The following P2RY14 variants were observed in gnomAD, a reference collection of about 807,000 sequenced individuals.
P2RY14 encodes the protein P2Y purinoceptor 14.
In P2RY14, 2 loss-of-function variants were observed where a neutral mutation model predicts 0.9. That is an observed-to-expected ratio of 2.16 (90% CI 0.88 to 6.79). The LOEUF is 6.79. Ranked by LOEUF, P2RY14 falls within the 30% of genes most tolerant of loss-of-function variation. P2RY14 has a pLI of 0.05. For synonymous variants in P2RY14, 158 were observed against 147.2 expected (o/e 1.07, Z -0.53); for missense variants, 378 against 400.1 (o/e 0.94, Z 0.47).
chr3:151,245,233 A>T (rs1219052777), intron 1 of P2RY14, among the ~76,000 whole-genome samples: 2 of 152,230 alleles, frequency 1.3e-5, no homozygotes, highest in Non-Finnish European at 2.9e-5. Flanking sequence ...TACTCCAATC[A>T]ATAGAAAAAG....
chr3:151,261,685 G>GTGTTTTGTTT (rs10627724), intron 1 of P2RY14, among the ~76,000 whole-genome samples: 10,192 of 148,676 alleles, frequency 0.069, 593 homozygotes, highest in African/African-American at 0.15. Flanking sequence ...GTGGTACGTG[G>GTGTTTTGTTT]TGTTTTGTTT....
intron 1 of P2RY14, among the ~76,000 whole-genome samples, chr3:151,241,233 T>C (rs750201420): frequency 3.3e-5 from 5 of 152,230 alleles, no homozygotes; most frequent in Non-Finnish European, 7.3e-5. Flanking sequence ...GATCAAATTG[T>C]TGATATTTTA....
At chr3:151,242,192 G>T (rs1343845092) in intron 1 of P2RY14, among the ~76,000 whole-genome samples, 1 of 152,228 alleles carries the variant, frequency 6.6e-6, no homozygotes, top group Non-Finnish European at 1.5e-5. Flanking sequence ...CAACACGGCT[G>T]GGGGAGGGGC....
chr3:151,232,558 T>C (rs556749721), intron 1 of P2RY14, among the ~76,000 whole-genome samples: 1 of 152,136 alleles, frequency 6.6e-6, no homozygotes, highest in Non-Finnish European at 1.5e-5. Flanking sequence ...CAGTGACAGA[T>C]TGGATAAAGA....
chr3:151,224,321 CT>C (rs1402865136), intron 1 of P2RY14, among the ~76,000 whole-genome samples: 1 of 151,988 alleles, frequency 6.6e-6, no homozygotes, highest in African/African-American at 2.4e-5. Context: ...GAGATAAATA[CT>C]TGTTTTCTAG....
intron 1 of P2RY14, among the ~76,000 whole-genome samples, chr3:151,267,692 A>G (rs1740106924): frequency 6.6e-6 from 1 of 151,998 alleles, no homozygotes; most frequent in South Asian, 2.1e-4. Context: ...TATATATATA[A>G]GTCAGTTTTC....
At chr3:151,247,181 C>T (rs992432062) in intron 1 of P2RY14, among the ~76,000 whole-genome samples, 1 of 151,962 alleles carries the variant, frequency 6.6e-6, no homozygotes, top group Non-Finnish European at 1.5e-5. Context: ...TAAACTAGTT[C>T]AACCATTGTG....
At chr3:151,217,670 C>G (rs1728510131) in intron 2 of P2RY14, among the ~76,000 whole-genome samples, 1 of 152,172 alleles carries the variant, frequency 6.6e-6, no homozygotes, top group African/African-American at 2.4e-5. Context: ...TTTGATACAG[C>G]AGAGGCTCAT....
At chr3:151,237,045 C>CTTT (rs56926535) in intron 1 of P2RY14, among the ~76,000 whole-genome samples, 46 of 125,852 alleles carry the variant, frequency 3.7e-4, no homozygotes, top group African/African-American at 9.6e-4. Flanking sequence ...TGATGCCAAA[C>CTTT]TTTTTTTTTT....
chr3:151,258,664 A>G (rs190339615), intron 1 of P2RY14, among the ~76,000 whole-genome samples: 53 of 152,252 alleles, frequency 3.5e-4, no homozygotes, highest in African/African-American at 1.3e-3. Flanking sequence ...AGCCTGATCA[A>G]CATGGTGAAA....
intron 1 of P2RY14, among the ~76,000 whole-genome samples, chr3:151,275,000 T>C (rs1024908564): frequency 3.3e-5 from 5 of 152,198 alleles, no homozygotes; most frequent in Non-Finnish European, 1.5e-5. Context: ...GTGTGAGCTC[T>C]CCTACCAACC....
At chr3:151,241,269 A>G (rs142020583) in intron 1 of P2RY14, among the ~76,000 whole-genome samples, 27 of 152,352 alleles carry the variant, frequency 1.8e-4, no homozygotes, top group Admixed American at 9.8e-4. Flanking sequence ...AAAAATGGCA[A>G]TACCAAAGGT....
chr3:151,233,170 C>T (rs1292004541), intron 1 of P2RY14, among the ~76,000 whole-genome samples: 1 of 152,166 alleles, frequency 6.6e-6, no homozygotes, highest in Non-Finnish European at 1.5e-5. Flanking sequence ...TCATTTGCAG[C>T]TCTGGATGTT....
At chr3:151,238,014 T>C (rs1257648416) in intron 1 of P2RY14, among the ~76,000 whole-genome samples, 2 of 152,248 alleles carry the variant, frequency 1.3e-5, no homozygotes, top group Non-Finnish European at 2.9e-5. Flanking sequence ...TTTAAAGTTA[T>C]ATTTCAAGAA....
At chr3:151,255,355 C>T (rs1424780307) in intron 1 of P2RY14, among the ~76,000 whole-genome samples, 1 of 149,034 alleles carries the variant, frequency 6.7e-6, no homozygotes, top group Non-Finnish European at 1.5e-5. Context: ...TGCCATAGTT[C>T]AAAAGTTGGG....
intron 1 of P2RY14, among the ~76,000 whole-genome samples, chr3:151,275,209 T>C (rs1741644430): frequency 6.6e-6 from 1 of 152,156 alleles, no homozygotes; most frequent in African/African-American, 2.4e-5. Flanking sequence ...GAGGATCAGA[T>C]TTTTTTCCCC....
intron 1 of P2RY14, among the ~76,000 whole-genome samples, chr3:151,242,171 C>T (rs1734273152): frequency 6.6e-6 from 1 of 152,218 alleles, no homozygotes; most frequent in African/African-American, 2.4e-5. Flanking sequence ...TGAGATCAAA[C>T]TGCAAGGCAG....
intron 1 of P2RY14, among the ~76,000 whole-genome samples, chr3:151,270,366 T>G (rs762457566): frequency 9.9e-5 from 15 of 152,132 alleles, no homozygotes; most frequent in Non-Finnish European, 1.8e-4. Flanking sequence ...TACCCCTTTC[T>G]GTTCCAAATT....
At chr3:151,230,442 TA>T (rs1164582872) in intron 1 of P2RY14, among the ~76,000 whole-genome samples, 1 of 152,230 alleles carries the variant, frequency 6.6e-6, no homozygotes, top group African/African-American at 2.4e-5. Flanking sequence ...TTGCCTCAGG[TA>T]TAATACCTGT....
Sources: allele counts gnomAD v4.1 joint callset (sites outside exome capture counted in the v4.1 genomes callset), GRCh38; gene constraint gnomAD v4.1.1; transcripts MANE v1.5; gene names NCBI Gene and HGNC (gene_info 2026-07-23, HGNC 2026-07-21).